The following TMEM114 variants were observed in gnomAD, a reference collection of about 807,000 sequenced individuals.
TMEM114 encodes the protein transmembrane protein 114.
Under a neutral mutation model 6.2 loss-of-function variants are expected in TMEM114, and 6 were observed. That is an observed-to-expected ratio of 0.97 (90% CI 0.53 to 1.91). The LOEUF is 1.91. Ranked by LOEUF, TMEM114 falls within the 40% of genes most tolerant of loss-of-function variation. The pLI is 0.01. For missense variants in TMEM114, 218 were observed against 158.3 expected (o/e 1.38, Z -2.02); for synonymous variants, 104 against 73.0 (o/e 1.42, Z -2.16).
intron 2 of TMEM114, among the ~76,000 whole-genome samples, chr16:8,557,697 T>C (rs1303696017): frequency 2.0e-5 from 3 of 152,188 alleles, no homozygotes; most frequent in African/African-American, 4.8e-5. Flanking sequence ...CAGGTAATTA[T>C]TTCCTGCCTC....
chr16:8,537,695 T>G (rs1900399446), exon 3 of TMEM114: 2 of 152,168 alleles, frequency 1.3e-5, no homozygotes, highest in African/African-American at 4.8e-5. Flanking sequence ...AGCTACAATC[T>G]GGTTTTATCC....
At chr16:8,585,550 A>C (rs1023912324) in intron 2 of TMEM114, among the ~76,000 whole-genome samples, 3 of 152,146 alleles carry the variant, frequency 2.0e-5, no homozygotes, top group African/African-American at 7.2e-5. Context: ...AGGTCCTTAA[A>C]GGAATGAAAC....
At chr16:8,550,717 C>T (rs1405188278) in intron 2 of TMEM114, among the ~76,000 whole-genome samples, 1 of 150,804 alleles carries the variant, frequency 6.6e-6, no homozygotes, top group African/African-American at 2.4e-5. Context: ...AAAAAGCAAG[C>T]AAACAAACAA....
At chr16:8,531,287 T>C in the TMEM114 span, among the ~76,000 whole-genome samples, 1 of 152,226 alleles carries the variant, frequency 6.6e-6, no homozygotes, top group Non-Finnish European at 1.5e-5. Flanking sequence ...GAATTTCTGT[T>C]CAAAATATAA....
downstream of TMEM114, among the ~76,000 whole-genome samples, chr16:8,567,717 T>C (rs1214397427): frequency 6.6e-6 from 1 of 152,148 alleles, no homozygotes; most frequent in Non-Finnish European, 1.5e-5. Flanking sequence ...CCCTGCAGTA[T>C]TTAATCCAGC....
chr16:8,560,178 T>G (rs1396780177), intron 2 of TMEM114, among the ~76,000 whole-genome samples: 3 of 151,742 alleles, frequency 2.0e-5, no homozygotes, highest in Non-Finnish European at 4.4e-5. Context: ...ATTTTTTTTT[T>G]GTAGAGATGG....
At chr16:8,535,928 A>C (rs897709015), downstream of TMEM114, among the ~76,000 whole-genome samples, 4 of 152,200 alleles carry the variant, frequency 2.6e-5, no homozygotes, top group Non-Finnish European at 4.4e-5. Context: ...TAAAAGCTTC[A>C]AAAATGAAGG....
chr16:8,547,290 C>A (rs1004562296), intron 2 of TMEM114, among the ~76,000 whole-genome samples: 4 of 152,124 alleles, frequency 2.6e-5, no homozygotes, highest in Non-Finnish European at 5.9e-5. Context: ...AGGGGTTAAG[C>A]AAGAACTCTA....
At chr16:8,555,894 C>A (rs930408949) in intron 2 of TMEM114, among the ~76,000 whole-genome samples, 1 of 152,166 alleles carries the variant, frequency 6.6e-6, no homozygotes, top group Non-Finnish European at 1.5e-5. Flanking sequence ...GTTGGGAAAG[C>A]CTGGTTGGCC....
At chr16:8,537,086 G>T (rs920578784), downstream of TMEM114, among the ~76,000 whole-genome samples, 13 of 152,100 alleles carry the variant, frequency 8.5e-5, no homozygotes, top group African/African-American at 3.1e-4. Context: ...CATACCTGTA[G>T]TCCCAGCTTC....
rs148939455 is a variant in TMEM114 at position 8,544,429 on chromosome 16, T to A, written n.213-6603A>T. Among the ~76,000 whole-genome samples the A allele has an allele frequency of 4.3e-4, 66 of 152,286 alleles. 1 individual carries two copies. The highest frequency in any genetic ancestry group is 2.6e-3 in the Admixed American group (40 of 15,286). Reference sequence around the variant, plus strand: ...TTACTGGGAAGTAAAGGGGGTGATATTTGAGCAGGGTCTTAATGGATATGT... The same window carrying A: ...TTACTGGGAAGTAAAGGGGGTGATAATTGAGCAGGGTCTTAATGGATATGT... On this transcript the variant is annotated intron_variant and non_coding_transcript_variant, in intron 2 of 2. Coordinates refer to the TMEM114 transcript ENST00000623677.
Position 8,575,444 on chromosome 16 carries a change from A to G in TMEM114, c.302-3220T>C, listed in dbSNP as rs1271953997. On this transcript the variant is annotated intron_variant, in intron 2 of 3. Coordinates refer to ENST00000620492, the MANE Select transcript of TMEM114 (RefSeq NM_001146336.2). ...TCACACTTTTGAGAATCAAACAATC[A>G]TCAACTGTATTAAATTATCTACCAT... Among the ~76,000 whole-genome samples, 3 of 152,230 alleles carry G rather than the reference A, an allele frequency of 2.0e-5. No homozygotes were observed. The East Asian group carries it at 5.8e-4, about 29-fold the overall frequency.
chr16:8,589,502 A>T (rs1902417266), intron 1 of TMEM114, 117 bp downstream of exon 1: 1 of 397,976 alleles, frequency 2.5e-6, no homozygotes, highest in African/African-American at 2.1e-5. Context: ...GTCCCTAGAC[A>T]TTGTATTTTA....
intron 2 of TMEM114, among the ~76,000 whole-genome samples, chr16:8,560,645 C>G (rs1271338871): frequency 1.3e-5 from 2 of 152,166 alleles, no homozygotes; most frequent in Non-Finnish European, 2.9e-5. Flanking sequence ...CACTATCAGC[C>G]TCTACCAGAG....
intron 2 of TMEM114, among the ~76,000 whole-genome samples, chr16:8,546,824 T>A (rs8061625): frequency 0.62 from 93,553 of 152,052 alleles, 29,701 homozygotes; most frequent in African/African-American, 0.75. Flanking sequence ...TCCTCTATCT[T>A]CCTTTGAGTG....
intron 2 of TMEM114, among the ~76,000 whole-genome samples, chr16:8,558,284 G>T (rs537400052): frequency 1.4e-4 from 22 of 152,088 alleles, no homozygotes; most frequent in Non-Finnish European, 2.9e-4. Flanking sequence ...TCAAAATCAA[G>T]GTGTCAGGTG....
At chr16:8,579,591 C>T (rs551928075) in intron 2 of TMEM114, among the ~76,000 whole-genome samples, 144 of 152,160 alleles carry the variant, frequency 9.5e-4, no homozygotes, top group African/African-American at 3.1e-3. Context: ...ATCCTGACTC[C>T]GCCTCTTACC....
chr16:8,557,335 C>G (rs1226532259), intron 2 of TMEM114, among the ~76,000 whole-genome samples: 1 of 152,138 alleles, frequency 6.6e-6, no homozygotes, highest in Non-Finnish European at 1.5e-5. Context: ...AGCCCTGATA[C>G]TACCATATTG....
intron 2 of TMEM114, among the ~76,000 whole-genome samples, chr16:8,544,018 C>T (rs371258782): frequency 7.9e-5 from 12 of 152,308 alleles, no homozygotes; most frequent in East Asian, 1.9e-4. Context: ...TGCCAGGAAG[C>T]GCAACGCTAA....
Sources: allele counts gnomAD v4.1 joint callset (sites outside exome capture counted in the v4.1 genomes callset), GRCh38; gene constraint gnomAD v4.1.1; transcripts MANE v1.5; gene names NCBI Gene and HGNC (gene_info 2026-07-23, HGNC 2026-07-21).